The following NT5C2 variants were observed in gnomAD, a reference collection of about 807,000 sequenced individuals.
The protein encoded by NT5C2 is 5'-nucleotidase, cytosolic II.
Under a neutral mutation model 76.1 loss-of-function variants are expected in NT5C2, and 58 were observed. That is an observed-to-expected ratio of 0.76 (90% CI 0.62 to 0.95). NT5C2 has a LOEUF of 0.95. Ranked by LOEUF, NT5C2 falls within the 40% of genes least tolerant of loss-of-function variation. The pLI, the probability that NT5C2 is intolerant of heterozygous loss-of-function variation, is 0.00. For missense variants in NT5C2, 478 were observed against 690.3 expected (o/e 0.69, Z 3.45); for synonymous variants, 229 against 237.4 (o/e 0.96, Z 0.32).
At chr10:103,151,829 T>G (rs970136125) in intron 3 of NT5C2, among the ~76,000 whole-genome samples, 2 of 152,122 alleles carry the variant, frequency 1.3e-5, no homozygotes, top group African/African-American at 4.8e-5. Context: ...GCATAGAGAA[T>G]AAAACTTAAT....
At chr10:103,107,797 G>GT (rs1323342145) in intron 4 of NT5C2, among the ~76,000 whole-genome samples, 2 of 152,172 alleles carry the variant, frequency 1.3e-5, no homozygotes, top group South Asian at 2.1e-4. Flanking sequence ...TCTCTATTGT[G>GT]TAAGTCTGAA....
intron 4 of NT5C2, among the ~76,000 whole-genome samples, chr10:103,115,261 G>T (rs2074056285): frequency 6.6e-6 from 1 of 152,170 alleles, no homozygotes; most frequent in African/African-American, 2.4e-5. Context: ...AATTAGCCGG[G>T]CATGGCAGTG....
At chr10:103,115,596 C>G (rs1396275552) in intron 4 of NT5C2, among the ~76,000 whole-genome samples, 1 of 152,082 alleles carries the variant, frequency 6.6e-6, no homozygotes, top group Admixed American at 6.5e-5. Context: ...TATCACTTAC[C>G]ATGTAATGGA....
At position 103,088,989 on chromosome 10, in the gene NT5C2, T is replaced by C; in HGVS notation, c.*683A>G. On this transcript the variant is annotated 3_prime_UTR_variant, in exon 19 of 19. Coordinates refer to ENST00000404739, the MANE Select transcript of NT5C2 (RefSeq NM_001351169.2). The stretch of plus-strand genomic sequence containing the variant: ...TTATCACAGATAAGAAGGAGGTTGT[T>C]TTTGGATAACAAATAAGCATTTGTG... The C allele has an allele frequency of 4.8e-6, 1 of 209,656 alleles. No individual in the cohort carries two copies. Among genetic ancestry groups the C allele is most frequent in the Non-Finnish European group, 9.7e-6 (1 of 103,092 alleles). 13.0% of individuals were successfully genotyped at this position (209,656 alleles called of 1,614,324 possible).
intron 3 of NT5C2, among the ~76,000 whole-genome samples, chr10:103,153,003 C>T (rs2082665504): frequency 1.3e-5 from 2 of 152,192 alleles, no homozygotes; most frequent in Non-Finnish European, 2.9e-5. Context: ...TTGATAAATA[C>T]ATTCTGCAGA....
intron 3 of NT5C2, among the ~76,000 whole-genome samples, chr10:103,165,303 G>A (rs2086088294): frequency 1.3e-5 from 2 of 152,092 alleles, no homozygotes; most frequent in Admixed American, 1.3e-4. Context: ...AGGCCAGACT[G>A]ACCAACATGG....
In NT5C2 at chr10:103,090,060, C is replaced by A. The variant is rs1590575003; in HGVS notation, c.1450-152G>T. 2.2e-5 allele frequency: 12 copies of A among 537,904 alleles called. No individual in the cohort carries two copies. The East Asian group carries it at 3.7e-4, about 17-fold the overall frequency. The allele number at this position is 537,904 out of a possible 1,614,324, so 33.3% of individuals were successfully genotyped here. A position where few individuals can be genotyped will look rare whatever the true frequency, so the allele number is the denominator to read the frequency against. ...ATATAGACTTATCTTCATAGAACTA[C>A]TTATAGTTGCCTGTCTTCCTCTCTC... On this transcript the variant is annotated intron_variant, in intron 18 of 18. Coordinates refer to ENST00000404739, the MANE Select transcript of NT5C2 (RefSeq NM_001351169.2).
intron 6 of NT5C2, among the ~76,000 whole-genome samples, chr10:103,104,732 C>A (rs902853148): frequency 2.6e-5 from 4 of 152,142 alleles, no homozygotes; most frequent in African/African-American, 7.2e-5. Flanking sequence ...TAAGGGGCAT[C>A]CTGTGACCTC....
chr10:103,169,772 G>C (rs2087390121), intron 3 of NT5C2, among the ~76,000 whole-genome samples: 1 of 152,022 alleles, frequency 6.6e-6, no homozygotes, highest in Non-Finnish European at 1.5e-5. Flanking sequence ...CTTGCAGCCA[G>C]AAGATCAAAA....
chr10:103,129,175 G>T (rs1474661206), intron 4 of NT5C2, among the ~76,000 whole-genome samples: 1 of 103,606 alleles, frequency 9.7e-6, no homozygotes, highest in Non-Finnish European at 2.1e-5. Flanking sequence ...GGTGAGGGGT[G>T]CCTCTGCCCG....
At chr10:103,142,593 G>A (rs1049171016) in intron 3 of NT5C2, among the ~76,000 whole-genome samples, 2 of 152,068 alleles carry the variant, frequency 1.3e-5, no homozygotes, top group African/African-American at 4.8e-5. Flanking sequence ...TCCTGAGCCT[G>A]AGAGGCAGAA....
In NT5C2 at chr10:103,174,878, A is replaced by G; in HGVS notation, c.81T>C (p.Tyr27=). The G allele has an allele frequency of 1.2e-6, 2 of 1,612,952 alleles. No individual in the cohort carries two copies. The highest frequency in any genetic ancestry group is 2.2e-5 in the South Asian group (2 of 91,062). ...CTTACCGATGATAGGCTTCTCGACG[A>G]TACTTTTTCAGGGCATGCTTATCCA... ...ANMDKHALKK[Y]RREAYHRVFV... is the part of the protein sequence containing the mutation. Residue 27 remains tyrosine, a synonymous_variant, in exon 3 of 19, where the codon TAT becomes TAC. Coordinates refer to ENST00000404739, the MANE Select transcript of NT5C2 (RefSeq NM_001351169.2).
intron 3 of NT5C2, among the ~76,000 whole-genome samples, chr10:103,152,137 T>C (rs933836528): frequency 1.3e-5 from 2 of 152,302 alleles, no homozygotes; most frequent in African/African-American, 4.8e-5. Flanking sequence ...GTGTACAAGA[T>C]TGACAAACAT....
chr10:103,180,249 T>A (rs2090818742), intron 2 of NT5C2, among the ~76,000 whole-genome samples: 1 of 152,064 alleles, frequency 6.6e-6, no homozygotes, highest in African/African-American at 2.4e-5. Context: ...AAAGACAGTA[T>A]CAAATGTTGT....
At chr10:103,093,695 A>G in intron 14 of NT5C2, 1 of 440,446 alleles carries the variant, frequency 2.3e-6, no homozygotes, top group Non-Finnish European at 4.0e-6. Context: ...ACATATTGAG[A>G]AGTACCCCCA....
At chr10:103,105,245 G>C (rs1231327535) in intron 6 of NT5C2, 1 of 190,354 alleles carries the variant, frequency 5.3e-6, no homozygotes. Context: ...CAAATGTCAG[G>C]ATTCAAAGTT....
At chr10:103,172,499 G>A (rs559312088) in intron 3 of NT5C2, among the ~76,000 whole-genome samples, 6 of 151,604 alleles carry the variant, frequency 4.0e-5, no homozygotes, top group Admixed American at 6.6e-5. Context: ...CACCCGCCTC[G>A]GCCTCCCAAA....
At chr10:103,162,730 A>G (rs893465210) in intron 3 of NT5C2, among the ~76,000 whole-genome samples, 13 of 152,204 alleles carry the variant, frequency 8.5e-5, no homozygotes, top group Admixed American at 2.6e-4. Context: ...ATATATCCAC[A>G]AAAAGATTTG....
At chr10:103,140,515 G>A (rs12262258) in intron 3 of NT5C2, among the ~76,000 whole-genome samples, 22,830 of 152,070 alleles carry the variant, frequency 0.15, 1,782 homozygotes, top group Middle Eastern at 0.22. Flanking sequence ...GGGAGTGCAG[G>A]TATCTTCACA....
Sources: allele counts gnomAD v4.1 joint callset (sites outside exome capture counted in the v4.1 genomes callset), GRCh38; gene constraint gnomAD v4.1.1; transcripts MANE v1.5; gene names NCBI Gene and HGNC (gene_info 2026-07-23, HGNC 2026-07-21).